EPHB2: variants seen among roughly 807,000 people sequenced by gnomAD.
The protein encoded by EPHB2 is EPH receptor B2, also known as ephrin type-B receptor 2.
A neutral mutation model predicts 96.4 loss-of-function variants in EPHB2; 18 were observed. That is an observed-to-expected ratio of 0.19 (90% CI 0.13 to 0.28). The LOEUF (loss-of-function observed/expected upper bound fraction) is 0.28, where lower values mean the gene tolerates loss of function less well. EPHB2 is among the 10% of genes least tolerant of loss of function. EPHB2 has a pLI of 1.00. For synonymous variants in EPHB2, 506 were observed against 534.1 expected (o/e 0.95, Z 0.72); for missense variants, 989 against 1,355.4 (o/e 0.73, Z 4.25).
chr1:22,865,532 G>A (rs917826539), intron 5 of EPHB2, among the ~76,000 whole-genome samples: 15 of 152,184 alleles, frequency 9.9e-5, no homozygotes, highest in Non-Finnish European at 1.9e-4. Flanking sequence ...AGCAGTCCAC[G>A]TCAGCGTGGT....
intron 1 of EPHB2, among the ~76,000 whole-genome samples, chr1:22,721,217 G>A (rs927353233): frequency 3.3e-5 from 5 of 152,216 alleles, no homozygotes; most frequent in African/African-American, 1.2e-4. Context: ...CAGAGCACAT[G>A]GAAATGTGTA....
chr1:22,771,267 A>G (rs1408435932), intron 1 of EPHB2, among the ~76,000 whole-genome samples: 1 of 152,148 alleles, frequency 6.6e-6, no homozygotes, highest in African/African-American at 2.4e-5. Flanking sequence ...TAATGATGGG[A>G]GACACATATA....
rs1427286107 is a variant in EPHB2, at chr1:22,846,510, CA to C, written c.812-16524del. On this transcript the variant is annotated intron_variant, in intron 3 of 15. Coordinates refer to ENST00000374630, the MANE Select transcript of EPHB2 (RefSeq NM_017449.5). The surrounding 1 kb of genome is among the most constrained non-coding windows in gnomAD (Gnocchi z 4.3). Reference sequence around the variant, plus strand: ...TCCAGAGGTTCACAGACCGCCCTGCCAAAGACAGAACTGCCCGATCTGCAGG... The same window carrying C: ...TCCAGAGGTTCACAGACCGCCCTGCCAAGACAGAACTGCCCGATCTGCAGG... Among the ~76,000 whole-genome samples, 1 of 152,110 alleles carries C rather than the reference CA, an allele frequency of 6.6e-6. No individual in the cohort carries two copies. Among genetic ancestry groups the C allele is most frequent in the African/African-American group, 2.4e-5 (1 of 41,412 alleles).
At chr1:22,785,187 G>T in intron 3 of EPHB2, 111 bp downstream of exon 3, 1 of 1,319,304 alleles carries the variant, frequency 7.6e-7, no homozygotes, top group South Asian at 1.4e-5. Flanking sequence ...CTGACCATGA[G>T]GCACTCTAGG....
intron 9 of EPHB2, among the ~76,000 whole-genome samples, chr1:22,898,226 A>G (rs1434054629): frequency 1.3e-5 from 2 of 152,204 alleles, no homozygotes; most frequent in Non-Finnish European, 2.9e-5. Flanking sequence ...AAAGTGCTAT[A>G]GGAAAAAGAC....
At chr1:22,849,884 C>T (rs1422888370) in intron 3 of EPHB2, among the ~76,000 whole-genome samples, 2 of 152,244 alleles carry the variant, frequency 1.3e-5, no homozygotes, top group African/African-American at 4.8e-5. Flanking sequence ...TTCACAGGTG[C>T]CCTCCTGCCC....
In EPHB2 at chr1:22,913,521, T is replaced by C. The variant is rs1192499328; in HGVS notation, c.2912T>C (p.Ile971Thr). ...CACCAGAAAAAAATCCTGAACAGTA[T>C]CCAGGTGATGCGGGCGCAGATGAAC... ...AGHQKKILNS[I>T]QVMRAQMNQI... The change falls in exon 16 of 16, where the codon ATC (isoleucine) becomes ACC (threonine). Residue 971 changes from isoleucine to threonine, a missense_variant. Transcript: ENST00000374630. This position sits in a 1 kb window ranked among gnomAD's most constrained non-coding sequence, Gnocchi z 4.1. 1 of 1,614,106 alleles carries C rather than the reference T, an allele frequency of 6.2e-7. No homozygotes were observed. The highest frequency in any genetic ancestry group is 1.7e-5 in the Admixed American group (1 of 60,022).
chr1:22,859,927 C>T (rs1417403604), intron 3 of EPHB2, among the ~76,000 whole-genome samples: 2 of 152,194 alleles, frequency 1.3e-5, no homozygotes, highest in Admixed American at 6.5e-5. Flanking sequence ...CACCTCCTCC[C>T]CCTGCTCCCC....
chr1:22,783,478 G>T (rs529691536), intron 2 of EPHB2, among the ~76,000 whole-genome samples: 1 of 152,198 alleles, frequency 6.6e-6, no homozygotes, highest in Non-Finnish European at 1.5e-5. Flanking sequence ...GGGCACTCAC[G>T]CAGGGAGATT....
intron 1 of EPHB2, among the ~76,000 whole-genome samples, chr1:22,780,020 C>T (rs2148417258): frequency 6.6e-6 from 1 of 152,374 alleles, no homozygotes. Context: ...AGACCAGGAA[C>T]TGCTCCATGG....
At chr1:22,893,084 T>G in intron 7 of EPHB2, 38 bp downstream of exon 7, 1 of 1,613,852 alleles carries the variant, frequency 6.2e-7, no homozygotes. Context: ...GGGCACAGAC[T>G]CCACAAACAG....
chr1:22,755,492 G>C (rs555770408), intron 1 of EPHB2, among the ~76,000 whole-genome samples: 1 of 152,304 alleles, frequency 6.6e-6, no homozygotes, highest in East Asian at 1.9e-4. Flanking sequence ...CCTCCTCCCT[G>C]CCCTTCTGGC....
chr1:22,782,820 A>T (rs944684643), intron 2 of EPHB2, among the ~76,000 whole-genome samples: 1 of 151,754 alleles, frequency 6.6e-6, no homozygotes, highest in African/African-American at 2.4e-5. Flanking sequence ...CAGAGTCGCC[A>T]TTGAAGAAGA....
intron 5 of EPHB2, among the ~76,000 whole-genome samples, chr1:22,871,756 G>T (rs1056784909): frequency 1.3e-5 from 2 of 152,192 alleles, no homozygotes; most frequent in Non-Finnish European, 2.9e-5. Flanking sequence ...AGTGGCTCAT[G>T]CCTGTAATCC....
At chr1:22,744,298 G>A (rs1341806573) in intron 1 of EPHB2, among the ~76,000 whole-genome samples, 3 of 151,926 alleles carry the variant, frequency 2.0e-5, no homozygotes, top group East Asian at 3.9e-4. Context: ...TGGGGGTAGG[G>A]GTGCTGACCC....
Position 22,864,956 on chromosome 1 carries a change from C to A in EPHB2, c.1047C>A (p.Asp349Glu). Reference sequence around the variant, plus strand: ...TGCTGGAGTGGACCCCTCCCCGCGACTCCGGAGGCCGAGAGGACCTCGTCT... The same window carrying A: ...TGCTGGAGTGGACCCCTCCCCGCGAATCCGGAGGCCGAGAGGACCTCGTCT... Reference protein sequence around the residue: ...SLMLEWTPPRDSGGREDLVYN... With the variant: ...SLMLEWTPPRESGGREDLVYN... Residue 349 changes from aspartate to glutamate, a missense_variant, in exon 5 of 16, where the codon GAC (aspartate) becomes GAA (glutamate). Coordinates refer to ENST00000374630, the MANE Select transcript of EPHB2 (RefSeq NM_017449.5). 1 of 1,604,072 alleles carries A rather than the reference C, an allele frequency of 6.2e-7. No homozygotes were observed. The highest frequency in any genetic ancestry group is 2.2e-5 in the East Asian group (1 of 44,722).
At position 22,733,057 on chromosome 1, in the gene EPHB2, CTTTCTTTT is replaced by C. The variant is rs1643752303; in HGVS notation, c.61+22018_61+22025del. Among the ~76,000 whole-genome samples, 1 of 151,756 alleles carries C rather than the reference CTTTCTTTT, an allele frequency of 6.6e-6. No homozygotes were observed. The highest frequency in any genetic ancestry group is 2.4e-5 in the African/African-American group (1 of 41,294). On this transcript the variant is annotated intron_variant, in intron 1 of 15. Coordinates refer to ENST00000374630, the MANE Select transcript of EPHB2 (RefSeq NM_017449.5). This position sits in a 1 kb window ranked among gnomAD's most constrained non-coding sequence, Gnocchi z 4.6. ...CTAGGCTGCCTTTCTTTCTTTCTTT[CTTTCTTTT>C]TTTTTGGAGTTTCGCTCTTGTCGCC...
intron 1 of EPHB2, chr1:22,775,366 T>C: frequency 1.4e-6 from 1 of 705,066 alleles, no homozygotes; most frequent in East Asian, 2.6e-5. Context: ...TTGGCATGTA[T>C]AGGTGCTTAA....
At chr1:22,816,186 G>A (rs1452159223) in intron 3 of EPHB2, among the ~76,000 whole-genome samples, 2 of 152,160 alleles carry the variant, frequency 1.3e-5, no homozygotes. Flanking sequence ...GTTCCTGGGT[G>A]TGGACTTGGT....
Sources: gnomAD v4.1 joint callset for allele counts (sites outside exome capture counted in the v4.1 genomes callset) on GRCh38, gnomAD v4.1.1 for gene constraint, Gnocchi (gnomAD v3.1) non-coding constraint, MANE v1.5 for transcripts, NCBI Gene and HGNC (gene_info 2026-07-23, HGNC 2026-07-21) for gene names.